DNAH9: variants seen among roughly 807,000 people sequenced by gnomAD.
DNAH9 encodes the protein dynein axonemal heavy chain 9.
DNAH9 carries 345 observed loss-of-function variants against 471.6 expected under a neutral mutation model. That is an observed-to-expected ratio of 0.73 (90% CI 0.67 to 0.80). The LOEUF (loss-of-function observed/expected upper bound fraction) is 0.80, where lower values mean the gene tolerates loss of function less well. DNAH9 is among the 30% of genes least tolerant of loss of function. The pLI is 0.00. For synonymous variants in DNAH9, 2,093 were observed against 2,123.6 expected (o/e 0.99, Z 0.40); for missense variants, 5,407 against 5,609.2 (o/e 0.96, Z 1.15).
Position 11,894,399 on chromosome 17 carries a change from A to G in DNAH9, c.11309A>G (p.Asn3770Ser), listed in dbSNP as rs766392892. 1.1e-5 allele frequency: 17 copies of G among 1,614,080 alleles called. No individual in the cohort carries two copies. The highest frequency in any genetic ancestry group is 1.6e-4 in the Middle Eastern group (1 of 6,084). ...FQILLMNREV[N>S]AVELDFLLRS... ...ATTCTCCTCATGAACCGAGAAGTCA[A>G]TGCAGTGGAGTTGGATTTCCTGCTT... Residue 3770 changes from asparagine to serine, a missense_variant, in exon 59 of 69, where the codon AAT (asparagine) becomes AGT (serine). Asn to Ser is a conservative substitution (Grantham distance 46). This residue lies in a region of DNAH9 where 4,636 missense variants were observed against 4,900.3 expected (regional missense o/e 0.95). Transcript: ENST00000262442.
chr17:11,908,458 T>C (rs1412281818), intron 61 of DNAH9, among the ~76,000 whole-genome samples: 2 of 152,224 alleles, frequency 1.3e-5, no homozygotes, highest in Non-Finnish European at 2.9e-5. Context: ...TGTGTCTTTC[T>C]ACAGTATCAG....
intron 9 of DNAH9, among the ~76,000 whole-genome samples, chr17:11,637,460 C>T (rs1011439915): frequency 6.6e-6 from 1 of 151,978 alleles, no homozygotes; most frequent in South Asian, 2.1e-4. Context: ...AAGCTGGAAG[C>T]GATGGTGCGA....
At chr17:11,859,327 G>A (rs1420388432) in intron 50 of DNAH9, among the ~76,000 whole-genome samples, 1 of 147,362 alleles carries the variant, frequency 6.8e-6, no homozygotes, top group East Asian at 2.0e-4. Context: ...CAGAAGAATT[G>A]CTTGAACCTG....
rs559966328 is a variant in DNAH9, at chr17:11,809,415, A to G, written c.8584-831A>G. 2.6e-5 allele frequency among the ~76,000 whole-genome samples: 4 copies of G among 152,028 alleles called. No individual in the cohort carries two copies. The South Asian group carries it at 8.4e-4, about 32-fold the overall frequency. On this transcript the variant is annotated intron_variant, in intron 44 of 68. Coordinates refer to ENST00000262442, the MANE Select transcript of DNAH9 (RefSeq NM_001372.4). Reference sequence around the variant, plus strand: ...CCCATCTCTACAACAAAAATACAAAAAATTAGCCGGGCGTTGTGGCACGCA... The same window carrying G: ...CCCATCTCTACAACAAAAATACAAAGAATTAGCCGGGCGTTGTGGCACGCA...
intron 33 of DNAH9, among the ~76,000 whole-genome samples, chr17:11,754,055 AT>A (rs967042553): frequency 9.2e-5 from 14 of 151,942 alleles, no homozygotes; most frequent in African/African-American, 3.4e-4. Context: ...CCACTTACAA[AT>A]GAGAACATGT....
At position 11,962,672 on chromosome 17, in the gene DNAH9, C is replaced by G. The variant is rs545161990; in HGVS notation, c.13233+416C>G. On this transcript the variant is annotated intron_variant, in intron 68 of 68. Coordinates refer to ENST00000262442, the MANE Select transcript of DNAH9 (RefSeq NM_001372.4). The surrounding 1 kb of genome is among the most constrained non-coding windows in gnomAD (Gnocchi z 4.1). The stretch of plus-strand genomic sequence containing the variant: ...AGTTATCAAAAAATGTTGGAGTCAG[C>G]TATCTCTGCTGCTGCTGCTGTGTGT... Among the ~76,000 whole-genome samples the G allele has an allele frequency of 6.6e-6, 1 of 152,124 alleles. No homozygotes were observed. Among genetic ancestry groups the G allele is most frequent in the African/African-American group, 2.4e-5 (1 of 41,444 alleles).
intron 33 of DNAH9, among the ~76,000 whole-genome samples, chr17:11,755,053 A>C (rs1456276188): frequency 6.6e-6 from 1 of 152,204 alleles, no homozygotes; most frequent in Non-Finnish European, 1.5e-5. Context: ...ATGGCTAGCC[A>C]GTTATCCCAG....
chr17:11,610,529 G>A lies in DNAH9; in HGVS notation c.748G>A (p.Val250Met). ...ACAAGGGGAGAATCCCACCCCTAAG[G>A]TGGAGTTGGAGTTCTGGAAGAGCAG... Reference protein sequence around the residue: ...LLQGENPTPKVELEFWKSRYE... With the variant: ...LLQGENPTPKMELEFWKSRYE... The change falls in exon 3 of 69, where the codon GTG becomes ATG. Residue 250 changes from valine to methionine, a missense_variant. Physicochemically the swap from Val to Met is conservative, Grantham distance 21. Around this residue, in one of 3 missense-constraint regions of DNAH9, gnomAD observed 767 missense variants for 692.5 expected, o/e 1.11. Transcript: ENST00000262442. 6.2e-7 allele frequency: 1 copy of A among 1,612,922 alleles called. No homozygotes were observed. The highest frequency in any genetic ancestry group is 1.1e-5 in the South Asian group (1 of 91,014).
chr17:11,812,300 TC>T (rs1384736447), intron 45 of DNAH9, among the ~76,000 whole-genome samples: 1 of 150,826 alleles, frequency 6.6e-6, no homozygotes. Flanking sequence ...CTCTCCACAC[TC>T]CATTCCCTGG....
chr17:11,897,087 C>CA (rs1001128578), intron 59 of DNAH9, among the ~76,000 whole-genome samples: 6 of 151,936 alleles, frequency 3.9e-5, no homozygotes, highest in African/African-American at 1.2e-4. Flanking sequence ...AACTCCGTTT[C>CA]AAAAAAATGG....
intron 38 of DNAH9, among the ~76,000 whole-genome samples, chr17:11,769,556 T>C (rs192674609): frequency 2.5e-4 from 38 of 152,300 alleles, no homozygotes; most frequent in Middle Eastern, 3.4e-3. Context: ...TCCTCCCTGG[T>C]CTGTTAAATT....
intron 45 of DNAH9, among the ~76,000 whole-genome samples, chr17:11,811,039 G>A (rs1969879885): frequency 6.6e-6 from 1 of 152,182 alleles, no homozygotes; most frequent in African/African-American, 2.4e-5. Context: ...CCCCCACAAA[G>A]TGAAAACTCA....
chr17:11,910,542 C>G (rs1326361572), intron 61 of DNAH9, among the ~76,000 whole-genome samples: 1 of 152,124 alleles, frequency 6.6e-6, no homozygotes, highest in Non-Finnish European at 1.5e-5. Context: ...TTTGTGTGAA[C>G]ATAAGTTTCA....
intron 32 of DNAH9, 82 bp downstream of exon 32, chr17:11,747,848 G>A (rs1790810477): frequency 6.3e-6 from 8 of 1,274,156 alleles, no homozygotes; most frequent in Non-Finnish European, 9.0e-6. Flanking sequence ...TGGGTGAATT[G>A]CAGAAGCAAA....
In DNAH9 at chr17:11,623,679, T is replaced by A. The variant is rs553568267; in HGVS notation, c.1350+3898T>A. On this transcript the variant is annotated intron_variant, in intron 6 of 68. Transcript: ENST00000262442. The surrounding 1 kb of genome is among the most constrained non-coding windows in gnomAD (Gnocchi z 4.1). ...GATTGAAATGGGATTAATCTGCTCC[T>A]CTCCAGTAAGAATTATCATGAACTT... is the stretch of plus-strand genomic sequence containing the variant. Among the ~76,000 whole-genome samples, 1 of 152,192 alleles carries A rather than the reference T, an allele frequency of 6.6e-6. No individual in the cohort carries two copies. The highest frequency in any genetic ancestry group is 1.5e-5 in the Non-Finnish European group (1 of 68,032).
intron 48 of DNAH9, among the ~76,000 whole-genome samples, chr17:11,826,359 G>GGGGGGGGT (rs1567829596): frequency 2.6e-5 from 1 of 38,562 alleles, no homozygotes; most frequent in Non-Finnish European, 8.7e-5. Flanking sequence ...GCCGGAAGCT[G>GGGGGGGGT]GGGGGGTAAT....
In DNAH9 at chr17:11,926,412, CT is replaced by C. The variant is rs1276897480; in HGVS notation, c.11877+2472del. ...TCTTCCTGATGCTCTCCCTCTCCCC[CT>C]ATTCCACAACAGGCCTCAGTGTGTT... On this transcript the variant is annotated intron_variant, in intron 62 of 68. Coordinates refer to ENST00000262442, the MANE Select transcript of DNAH9 (RefSeq NM_001372.4). Among the ~76,000 whole-genome samples the C allele has an allele frequency of 3.3e-5, 5 of 152,150 alleles. No individual in the cohort carries two copies. In the South Asian group the frequency reaches 6.2e-4, roughly 19 times the overall value.
intron 49 of DNAH9, among the ~76,000 whole-genome samples, chr17:11,840,563 C>G (rs1046584023): frequency 1.3e-5 from 2 of 152,118 alleles, no homozygotes; most frequent in Admixed American, 1.3e-4. Context: ...TGCCTCTCCC[C>G]CAAAGAGTTC....
intron 11 of DNAH9, among the ~76,000 whole-genome samples, 187 bp from the exon 12 acceptor site, chr17:11,646,885 C>T (rs1278829764): frequency 6.6e-6 from 1 of 152,180 alleles, no homozygotes; most frequent in African/African-American, 2.4e-5. Context: ...TGCACTCCAG[C>T]ATGGGCAACA....
Sources: gnomAD v4.1 joint callset for allele counts (sites outside exome capture counted in the v4.1 genomes callset) on GRCh38, gnomAD v4.1.1 for gene constraint, gnomAD v4.1.1 regional missense constraint, Gnocchi (gnomAD v3.1) non-coding constraint, MANE v1.5 for transcripts, NCBI Gene and HGNC (gene_info 2026-07-23, HGNC 2026-07-21) for gene names.